Variants in MGAT5 observed in about 807,000 individuals in gnomAD.
The protein encoded by MGAT5 is alpha-1,6-mannosylglycoprotein 6-beta-N-acetylglucosaminyltransferase A.
MGAT5 carries 30 observed loss-of-function variants against 94.3 expected under a neutral mutation model. The ratio of observed to expected loss-of-function variants is 0.32; its 90% confidence interval spans 0.24 to 0.43. The LOEUF (loss-of-function observed/expected upper bound fraction) is 0.43, where lower values mean the gene tolerates loss of function less well. Ranked by LOEUF, MGAT5 falls within the 20% of genes least tolerant of loss-of-function variation. The pLI, the probability that MGAT5 is intolerant of heterozygous loss-of-function variation, is 1.00. For missense variants in MGAT5, 691 were observed against 905.5 expected (o/e 0.76, Z 3.04); for synonymous variants, 310 against 322.9 (o/e 0.96, Z 0.43).
intron 9 of MGAT5, among the ~76,000 whole-genome samples, chr2:134,351,780 A>G (rs1679400022): frequency 6.6e-6 from 1 of 152,194 alleles, no homozygotes; most frequent in Non-Finnish European, 1.5e-5. Flanking sequence ...CAGTAACATC[A>G]TAAGCAAATC....
At position 134,387,301 on chromosome 2, in the gene MGAT5, G is replaced by GATATAT. The variant is rs1553458949; in HGVS notation, c.1381-15660_1381-15655dup. 5.9e-3 allele frequency among the ~76,000 whole-genome samples: 252 copies of GATATAT among 42,548 alleles called. 11 individuals carry two copies. Among genetic ancestry groups the GATATAT allele is most frequent in the Middle Eastern group, 0.013 (1 of 76 alleles). The allele number at this position is 42,548 out of a possible 152,430, so 27.9% of individuals were successfully genotyped here. On this transcript the variant is annotated intron_variant, in intron 10 of 15. Coordinates refer to ENST00000281923, the MANE Select transcript of MGAT5 (RefSeq NM_002410.5). Reference sequence around the variant, plus strand: ...AAATAAAAAATAAAAAGTTATGTATGATATATATATATATATATATATATA... The same window carrying GATATAT: ...AAATAAAAAATAAAAAGTTATGTATGATATATATATATATATATATATATATATATA...
chr2:134,316,847 T>A lies in MGAT5; in HGVS notation c.407-682T>A, dbSNP rs1432972334. Among the ~76,000 whole-genome samples, 3 of 152,192 alleles carry A rather than the reference T, an allele frequency of 2.0e-5. 1 individual carries two copies. Among genetic ancestry groups the A allele is most frequent in the South Asian group, 4.1e-4 (2 of 4,832 alleles). On this transcript the variant is annotated intron_variant, in intron 2 of 15. Coordinates refer to ENST00000281923, the MANE Select transcript of MGAT5 (RefSeq NM_002410.5). ...AATGACCCTTAGCTTCTCAAAGGCA[T>A]TTGTTTTCGTTTTGACCCTACAGTT...
intron 1 of MGAT5, among the ~76,000 whole-genome samples, chr2:134,151,566 T>C (rs1415251984): frequency 1.7e-4 from 17 of 99,826 alleles, no homozygotes; most frequent in East Asian, 7.0e-4. Flanking sequence ...ACCCACTCAC[T>C]GCCATGGGAC....
At chr2:134,428,575 A>T (rs1684713709) in intron 14 of MGAT5, 136 bp downstream of exon 14, 1 of 717,640 alleles carries the variant, frequency 1.4e-6, no homozygotes, top group African/African-American at 1.8e-5. Flanking sequence ...GAAGCTGGAT[A>T]ATAGTAGCAC....
At chr2:134,194,428 C>T (rs1439405853) in intron 1 of MGAT5, among the ~76,000 whole-genome samples, 1 of 152,052 alleles carries the variant, frequency 6.6e-6, no homozygotes, top group East Asian at 1.9e-4. Flanking sequence ...ATTCTTGATC[C>T]TTTATTCTTA....
At position 134,344,456 on chromosome 2, in the gene MGAT5, G is replaced by A. The variant is rs375304164; in HGVS notation, c.978-474G>A. ...GGGAAGGTTAGTAAGGGTGCTAAGCGGTAAGAACAGGCTCTGGGGGAGAAA... is the reference window on the plus strand; with the variant it reads ...GGGAAGGTTAGTAAGGGTGCTAAGCAGTAAGAACAGGCTCTGGGGGAGAAA... On this transcript the variant is annotated intron_variant, in intron 7 of 15. Coordinates refer to ENST00000281923, the MANE Select transcript of MGAT5 (RefSeq NM_002410.5). Among the ~76,000 whole-genome samples, 45 of 151,962 alleles carry A rather than the reference G, an allele frequency of 3.0e-4. No homozygotes were observed. In the East Asian group the frequency reaches 3.9e-3, roughly 13 times the overall value.
In MGAT5 at chr2:134,350,020, A is replaced by G; in HGVS notation, c.1246+82A>G. The G allele has an allele frequency of 5.9e-6, 9 of 1,516,562 alleles. No individual in the cohort carries two copies. The Admixed American group carries it at 1.2e-4, about 20-fold the overall frequency. 93.9% of individuals were successfully genotyped at this position (1,516,562 alleles called of 1,614,324 possible). A position where few individuals can be genotyped will look rare whatever the true frequency, so the allele number is the denominator to read the frequency against. On this transcript the variant is annotated intron_variant, in intron 9 of 15. Coordinates refer to ENST00000281923, the MANE Select transcript of MGAT5 (RefSeq NM_002410.5). ...AATTAGCCGCCATCTATTTTGGGTT[A>G]TGATTCTCAGGACCATTAGCTGTAG...
At chr2:134,178,273 C>T (rs1043338485) in intron 1 of MGAT5, among the ~76,000 whole-genome samples, 7 of 152,094 alleles carry the variant, frequency 4.6e-5, no homozygotes, top group African/African-American at 7.2e-5. Context: ...GATTCTAATA[C>T]AGATAATTGC....
At chr2:134,236,184 C>A (rs529941150) in intron 1 of MGAT5, among the ~76,000 whole-genome samples, 1 of 152,304 alleles carries the variant, frequency 6.6e-6, no homozygotes, top group South Asian at 2.1e-4. Context: ...CAGAGTTGTT[C>A]TTCACGGGTC....
intron 10 of MGAT5, among the ~76,000 whole-genome samples, chr2:134,382,401 T>C (rs994911617): frequency 8.5e-5 from 13 of 152,164 alleles, no homozygotes; most frequent in African/African-American, 3.1e-4. Flanking sequence ...TGTGTCGAAA[T>C]AGGAAGACTG....
chr2:134,278,016 A>G (rs185575343), intron 2 of MGAT5, among the ~76,000 whole-genome samples: 4 of 152,290 alleles, frequency 2.6e-5, no homozygotes, highest in Admixed American at 2.0e-4. Flanking sequence ...GGCTCATGTC[A>G]TTTGAAAGTT....
At chr2:134,349,122 A>C (rs1056030395) in intron 8 of MGAT5, among the ~76,000 whole-genome samples, 5 of 152,212 alleles carry the variant, frequency 3.3e-5, no homozygotes, top group African/African-American at 1.2e-4. Flanking sequence ...TAAGAATGTA[A>C]ATATTATTCT....
At chr2:134,199,612 C>T (rs1416638934) in intron 1 of MGAT5, among the ~76,000 whole-genome samples, 3 of 151,884 alleles carry the variant, frequency 2.0e-5, no homozygotes, top group Non-Finnish European at 4.4e-5. Context: ...CTTGTTCTAT[C>T]GGCTGCTCCA....
At chr2:134,448,287 T>C (rs1685908169) in intron 15 of MGAT5, among the ~76,000 whole-genome samples, 1 of 152,190 alleles carries the variant, frequency 6.6e-6, no homozygotes, top group Non-Finnish European at 1.5e-5. Context: ...TTCTCCCTCA[T>C]TCTTTTTCAA....
At chr2:134,149,270 C>T (rs961346888) in intron 1 of MGAT5, among the ~76,000 whole-genome samples, 1 of 152,208 alleles carries the variant, frequency 6.6e-6, no homozygotes, top group Non-Finnish European at 1.5e-5. Context: ...AGCTTCCTTA[C>T]AGGGCTGTTG....
At chr2:134,232,880 C>T (rs1240897866) in intron 1 of MGAT5, among the ~76,000 whole-genome samples, 1 of 152,082 alleles carries the variant, frequency 6.6e-6, no homozygotes, top group African/African-American at 2.4e-5. Context: ...ATATTGGTGG[C>T]AATTACCAGT....
chr2:134,355,345 T>C (rs1679667957), intron 9 of MGAT5, among the ~76,000 whole-genome samples: 2 of 152,232 alleles, frequency 1.3e-5, no homozygotes, highest in South Asian at 4.1e-4. Flanking sequence ...TATCATCTTT[T>C]TTTTTCCTTC....
intron 3 of MGAT5, 23 bp from the exon 4 acceptor site, chr2:134,318,627 C>T (rs761198621): frequency 1.3e-6 from 2 of 1,592,230 alleles, no homozygotes; most frequent in African/African-American, 1.3e-5. Context: ...ATGGGCTGCT[C>T]AGAGATGTTC....
At chr2:134,151,457 C>G (rs12469787) in intron 1 of MGAT5, among the ~76,000 whole-genome samples, 1 of 130,754 alleles carries the variant, frequency 7.6e-6, no homozygotes, top group Non-Finnish European at 1.6e-5. Context: ...CACTCACTCA[C>G]GCCCTATGGG....
Sources: gnomAD v4.1 joint callset for allele counts (sites outside exome capture counted in the v4.1 genomes callset) on GRCh38, gnomAD v4.1.1 for gene constraint, MANE v1.5 for transcripts, NCBI Gene and HGNC (gene_info 2026-07-23, HGNC 2026-07-21) for gene names.